The following TEAD1 variants were observed in gnomAD, a reference collection of about 807,000 sequenced individuals.
The protein encoded by TEAD1 is TEA domain transcription factor 1.
In TEAD1, 9 loss-of-function variants were observed where a neutral mutation model predicts 54.9. The ratio of observed to expected loss-of-function variants is 0.16; its 90% CI spans 0.10 to 0.29. The LOEUF is 0.29. Among genes scored for constraint, TEAD1 ranks in the 10% least tolerant of loss-of-function variants. The pLI, the probability that TEAD1 is intolerant of heterozygous loss-of-function variation, is 1.00. For missense variants in TEAD1, 387 were observed against 535.9 expected (o/e 0.72, Z 2.74); for synonymous variants, 200 against 187.8 (o/e 1.07, Z -0.53).
chr11:12,858,116 A>G (rs1947428341), intron 3 of TEAD1, among the ~76,000 whole-genome samples: 1 of 152,130 alleles, frequency 6.6e-6, no homozygotes, highest in South Asian at 2.1e-4. Context: ...AAAGAAATAA[A>G]GGAAATAGAG....
At chr11:12,691,923 A>G (rs1212346294) in intron 2 of TEAD1, among the ~76,000 whole-genome samples, 1 of 152,226 alleles carries the variant, frequency 6.6e-6, no homozygotes, top group Non-Finnish European at 1.5e-5. Context: ...TGTTTAAAAT[A>G]GAATGTATTT....
intron 12 of TEAD1, among the ~76,000 whole-genome samples, 191 bp from the exon 13 acceptor site, chr11:12,936,918 A>T (rs1318851236): frequency 6.6e-6 from 1 of 152,192 alleles, no homozygotes; most frequent in African/African-American, 2.4e-5. Context: ...TACTTATGAT[A>T]ACCACGTTTA....
intron 3 of TEAD1, among the ~76,000 whole-genome samples, chr11:12,826,295 T>C (rs1484865677): frequency 6.6e-6 from 1 of 152,206 alleles, no homozygotes; most frequent in Non-Finnish European, 1.5e-5. Context: ...CTTTCTGGGC[T>C]CTTGTAGGTC....
intron 3 of TEAD1, among the ~76,000 whole-genome samples, chr11:12,799,918 A>G (rs1032716060): frequency 2.0e-5 from 3 of 152,100 alleles, no homozygotes; most frequent in Admixed American, 1.3e-4. Context: ...AGTTTTTTTG[A>G]AAGAGAGGAG....
At chr11:12,757,238 G>A (rs1015421669) in intron 2 of TEAD1, among the ~76,000 whole-genome samples, 3 of 152,076 alleles carry the variant, frequency 2.0e-5, no homozygotes, top group Non-Finnish European at 2.9e-5. Context: ...TTTACCATTT[G>A]TCACCTCTTC....
intron 3 of TEAD1, among the ~76,000 whole-genome samples, chr11:12,807,628 C>A (rs1348882954): frequency 6.6e-6 from 1 of 152,222 alleles, no homozygotes; most frequent in African/African-American, 2.4e-5. Flanking sequence ...CTATTAATCA[C>A]TATTAGCTCA....
At chr11:12,870,276 C>T (rs917253819) in intron 5 of TEAD1, among the ~76,000 whole-genome samples, 44 of 152,122 alleles carry the variant, frequency 2.9e-4, no homozygotes, top group African/African-American at 8.0e-4. Context: ...AAGATAGACT[C>T]GGCCAACAAT....
intron 5 of TEAD1, chr11:12,865,161 A>T (rs949779127): frequency 1.3e-5 from 7 of 526,776 alleles, no homozygotes; most frequent in Non-Finnish European, 2.4e-5. Flanking sequence ...CAAATGCAGC[A>T]GAGAGCTGGT....
chr11:12,836,542 G>A (rs894490172), intron 3 of TEAD1, among the ~76,000 whole-genome samples: 10 of 152,170 alleles, frequency 6.6e-5, no homozygotes, highest in Admixed American at 5.9e-4. Flanking sequence ...GTTATGTTGC[G>A]AGCATGAGAC....
At chr11:12,913,855 T>C (rs534254281) in intron 10 of TEAD1, among the ~76,000 whole-genome samples, 19 of 152,368 alleles carry the variant, frequency 1.2e-4, no homozygotes, top group Non-Finnish European at 2.4e-4. Context: ...TGTTGTTCTA[T>C]GAAAAACTTT....
intron 2 of TEAD1, among the ~76,000 whole-genome samples, chr11:12,730,694 CTTTTTT>C (rs71313457): frequency 1.2e-4 from 8 of 65,638 alleles, no homozygotes; most frequent in African/African-American, 2.6e-4. Flanking sequence ...CTACATAGCT[CTTTTTT>C]TTTTTTTTTT....
At chr11:12,726,319 G>A (rs942288121) in intron 2 of TEAD1, among the ~76,000 whole-genome samples, 2 of 152,152 alleles carry the variant, frequency 1.3e-5, no homozygotes, top group African/African-American at 4.8e-5. Flanking sequence ...GAATTGGGAC[G>A]TCATAATTCT....
At chr11:12,782,119 C>T (rs913062597) in intron 3 of TEAD1, among the ~76,000 whole-genome samples, 2 of 152,088 alleles carry the variant, frequency 1.3e-5, no homozygotes, top group African/African-American at 2.4e-5. Context: ...CACGGCACTC[C>T]AGCCTGTCTC....
chr11:12,744,844 G>T (rs912681667), intron 2 of TEAD1, among the ~76,000 whole-genome samples: 1 of 152,196 alleles, frequency 6.6e-6, no homozygotes, highest in Non-Finnish European at 1.5e-5. Flanking sequence ...GCCTAGGTCA[G>T]CCTCCTCGCG....
chr11:12,923,120 G>A (rs117884528), intron 10 of TEAD1, among the ~76,000 whole-genome samples: 403 of 151,940 alleles, frequency 2.7e-3, no homozygotes, highest in Non-Finnish European at 3.4e-3. Flanking sequence ...AGTCTTCTCC[G>A]AGCCATGGTC....
intron 11 of TEAD1, among the ~76,000 whole-genome samples, chr11:12,927,732 T>C (rs1204311260): frequency 6.6e-6 from 1 of 152,112 alleles, no homozygotes; most frequent in Non-Finnish European, 1.5e-5. Flanking sequence ...TTATACAGGT[T>C]TGTCTCTTTC....
Position 12,696,880 on chromosome 11 carries a change from A to C in TEAD1, c.-55+21319A>C, listed in dbSNP as rs572632891. The stretch of plus-strand genomic sequence containing the variant: ...CTCTCCTGTGTATTGGGTTTGAGGG[A>C]ACTGACTCCGGTTCCTGGACTGTCT... On this transcript the variant is annotated intron_variant, in intron 2 of 12. Coordinates refer to ENST00000527636, the MANE Select transcript of TEAD1 (RefSeq NM_021961.6). Among the ~76,000 whole-genome samples, 17 of 152,136 alleles carry C rather than the reference A, an allele frequency of 1.1e-4. 1 individual carries two copies. The highest frequency in any genetic ancestry group is 1.1e-3 in the Admixed American group (17 of 15,288).
chr11:12,814,646 G>C (rs1946376031), intron 3 of TEAD1, among the ~76,000 whole-genome samples: 1 of 152,220 alleles, frequency 6.6e-6, no homozygotes, highest in Admixed American at 6.5e-5. Context: ...CTTTGCGCAT[G>C]TCATCTCATT....
intron 10 of TEAD1, among the ~76,000 whole-genome samples, chr11:12,912,386 G>A (rs17411627): frequency 0.17 from 26,433 of 152,116 alleles, 2,540 homozygotes; most frequent in Non-Finnish European, 0.22. Context: ...AGAACATTTC[G>A]GAAGGGCTCA....
Sources: allele counts gnomAD v4.1 joint callset (sites outside exome capture counted in the v4.1 genomes callset), GRCh38; gene constraint gnomAD v4.1.1; transcripts MANE v1.5; gene names NCBI Gene and HGNC (gene_info 2026-07-23, HGNC 2026-07-21).